CHST11: variants seen among roughly 807,000 people sequenced by gnomAD.
CHST11 encodes C4S-1.
In CHST11, 9 loss-of-function variants were observed where a neutral mutation model predicts 30.4. The observed-to-expected ratio is 0.30, with a 90% confidence interval of 0.18 to 0.52. The LOEUF (loss-of-function observed/expected upper bound fraction) is 0.52. CHST11 is among the 20% of genes least tolerant of loss of function. The pLI, the probability that CHST11 is intolerant of heterozygous loss-of-function variation, is 0.97. For synonymous variants in CHST11, 152 were observed against 187.8 expected, an observed-to-expected ratio of 0.81 and a Z score of 1.56; for missense variants, 348 against 460.6, an observed-to-expected ratio of 0.76 and a Z score of 2.24.
chr12:104,489,453 G>A (rs777496715), intron 1 of CHST11, among the ~76,000 whole-genome samples: 64 of 152,092 alleles, frequency 4.2e-4, no homozygotes, highest in Middle Eastern at 3.4e-3. Flanking sequence ...AAGGTCCTTG[G>A]GGGTAGGAAT....
intron 1 of CHST11, among the ~76,000 whole-genome samples, chr12:104,577,234 ATTTTTTTTTTTTT>A (rs34967812): frequency 2.7e-5 from 2 of 74,218 alleles, no homozygotes; most frequent in African/African-American, 6.0e-5. Context: ...GCAGCCCTTC[ATTTTTTTTTTTTT>A]TTTTTTTTTT....
intron 2 of CHST11, among the ~76,000 whole-genome samples, chr12:104,742,276 AG>A (rs1202697581): frequency 6.6e-6 from 1 of 152,190 alleles, no homozygotes; most frequent in Non-Finnish European, 1.5e-5. Context: ...AAGAAGGGAG[AG>A]GCCAGGAGGA....
At chr12:104,741,427 G>A (rs777252622) in intron 2 of CHST11, among the ~76,000 whole-genome samples, 1 of 152,208 alleles carries the variant, frequency 6.6e-6, no homozygotes, top group African/African-American at 2.4e-5. Context: ...GCGTGCCTTT[G>A]GAACAATGGA....
At chr12:104,714,040 C>A (rs1284559076) in intron 2 of CHST11, among the ~76,000 whole-genome samples, 1 of 152,166 alleles carries the variant, frequency 6.6e-6, no homozygotes, top group African/African-American at 2.4e-5. Context: ...AAGGCTACCC[C>A]CTGCCTCCCA....
At chr12:104,705,182 G>A (rs1437998917) in intron 2 of CHST11, among the ~76,000 whole-genome samples, 1 of 152,130 alleles carries the variant, frequency 6.6e-6, no homozygotes, top group Non-Finnish European at 1.5e-5. Context: ...GGAAGATCTT[G>A]GTGTGGGTCA....
intron 1 of CHST11, among the ~76,000 whole-genome samples, chr12:104,556,980 CA>C (rs529711471): frequency 0.052 from 4,024 of 77,158 alleles, 101 homozygotes; most frequent in East Asian, 0.22. Flanking sequence ...GACTCTGTCT[CA>C]AAAAAAAAAA....
intron 2 of CHST11, among the ~76,000 whole-genome samples, chr12:104,640,861 C>T (rs916452815): frequency 2.0e-5 from 3 of 152,176 alleles, no homozygotes; most frequent in African/African-American, 7.2e-5. Context: ...GGTCCCTACC[C>T]TCAAGCTGAA....
intron 2 of CHST11, among the ~76,000 whole-genome samples, chr12:104,700,409 T>TTTA (rs2136112794): frequency 6.6e-6 from 1 of 152,354 alleles, no homozygotes; most frequent in East Asian, 1.9e-4. Flanking sequence ...TAGGCTTAAA[T>TTTA]GGCTCTGAAA....
At chr12:104,646,115 C>T (rs1566021384) in intron 2 of CHST11, among the ~76,000 whole-genome samples, 1 of 152,242 alleles carries the variant, frequency 6.6e-6, no homozygotes, top group Non-Finnish European at 1.5e-5. Flanking sequence ...TGCTGGCTTC[C>T]CCTACAGGGG....
intron 2 of CHST11, among the ~76,000 whole-genome samples, chr12:104,623,265 C>G (rs1400116194): frequency 6.6e-6 from 1 of 152,212 alleles, no homozygotes; most frequent in African/African-American, 2.4e-5. Context: ...GAGTCAGGCC[C>G]TTAGCCTCTA....
chr12:104,536,876 C>A (rs1397496559), intron 1 of CHST11, among the ~76,000 whole-genome samples: 1 of 152,158 alleles, frequency 6.6e-6, no homozygotes, highest in East Asian at 1.9e-4. Flanking sequence ...GTGCCTGGAA[C>A]ATGTTTGATG....
chr12:104,515,667 A>G (rs1421348681), intron 1 of CHST11, among the ~76,000 whole-genome samples: 1 of 152,136 alleles, frequency 6.6e-6, no homozygotes, highest in Non-Finnish European at 1.5e-5. Context: ...GATAATACAC[A>G]AATAAAAACT....
intron 2 of CHST11, among the ~76,000 whole-genome samples, chr12:104,615,537 A>C (rs1008768481): frequency 2.2e-4 from 33 of 152,322 alleles, no homozygotes; most frequent in African/African-American, 7.7e-4. Flanking sequence ...AACTAGCCCC[A>C]CGTGGGCTGA....
At chr12:104,613,748 C>G (rs1242624115) in intron 2 of CHST11, among the ~76,000 whole-genome samples, 1 of 152,164 alleles carries the variant, frequency 6.6e-6, no homozygotes, top group African/African-American at 2.4e-5. Context: ...TTCTTTATAG[C>G]AGTGCAAGAA....
intron 2 of CHST11, among the ~76,000 whole-genome samples, chr12:104,736,966 C>T (rs537475816): frequency 6.6e-6 from 1 of 152,342 alleles, no homozygotes; most frequent in African/African-American, 2.4e-5. Context: ...GGCCAAACCT[C>T]ACCCTGTGAC....
intron 2 of CHST11, among the ~76,000 whole-genome samples, chr12:104,710,895 G>T (rs1348342808): frequency 6.6e-6 from 1 of 152,118 alleles, no homozygotes; most frequent in African/African-American, 2.4e-5. Flanking sequence ...ACCCTTTTGT[G>T]CTCCATGTGG....
rs1051481474 is a variant in CHST11, at chr12:104,458,523, C to A, written c.118+994C>A. On this transcript the variant is annotated intron_variant, in intron 1 of 2. Coordinates refer to ENST00000303694, the MANE Select transcript of CHST11 (RefSeq NM_018413.6). This position sits in a 1 kb window ranked among gnomAD's most constrained non-coding sequence, Gnocchi z 5.7. ...CTGGAGAGGGAGGGGCGCCCTCGAGCGCGGCGGCCGGGGGTGAGCAGCTCG... is the reference window on the plus strand; with the variant it reads ...CTGGAGAGGGAGGGGCGCCCTCGAGAGCGGCGGCCGGGGGTGAGCAGCTCG... 6.6e-6 allele frequency among the ~76,000 whole-genome samples: 1 copy of A among 151,996 alleles called. No homozygotes were observed. The highest frequency in any genetic ancestry group is 2.4e-5 in the African/African-American group (1 of 41,402).
chr12:104,641,501 G>A (rs1349111714), intron 2 of CHST11, among the ~76,000 whole-genome samples: 5 of 152,160 alleles, frequency 3.3e-5, no homozygotes, highest in Non-Finnish European at 2.9e-5. Context: ...CCTCTGAGGG[G>A]TGGAACAGTG....
At chr12:104,755,505 G>A (rs1046412716) in intron 2 of CHST11, among the ~76,000 whole-genome samples, 17 of 152,162 alleles carry the variant, frequency 1.1e-4, no homozygotes, top group African/African-American at 3.9e-4. Context: ...CAAGTTTGGG[G>A]CCAGGCACAG....
Sources: allele counts gnomAD v4.1 joint callset (sites outside exome capture counted in the v4.1 genomes callset), GRCh38; gene constraint gnomAD v4.1.1; non-coding constraint Gnocchi (gnomAD v3.1); transcripts MANE v1.5; gene names NCBI Gene and HGNC (gene_info 2026-07-23, HGNC 2026-07-21).